The following MAP1S variants were observed in gnomAD, a reference collection of about 807,000 sequenced individuals.
MAP1S encodes the protein microtubule-associated protein 1S.
Under a neutral mutation model 60.9 loss-of-function variants are expected in MAP1S, and 27 were observed. The observed-to-expected ratio is 0.44, with a 90% CI of 0.33 to 0.61. The LOEUF is 0.61. MAP1S is among the 20% of genes least tolerant of loss of function. MAP1S has a pLI of 0.03. For synonymous variants in MAP1S, 826 were observed against 694.2 expected (o/e 1.19, Z -2.98); for missense variants, 1,608 against 1,486.6 (o/e 1.08, Z -1.34).
At position 17,726,964 on chromosome 19, in the gene MAP1S, A is replaced by C. The variant is rs1190846652; in HGVS notation, c.1580A>C (p.Lys527Thr). ...KEAKTPRELKKDPKPSVSRTQ... is the reference protein window; with the variant it reads ...KEAKTPRELKTDPKPSVSRTQ... ...GCCAAGACCCCCCGGGAGTTGAAGA[A>C]AGACCCCAAACCGAGTGTCTCCCGG... Residue 527 changes from lysine (K) to threonine (T), a missense_variant, in exon 5 of 7, where the codon AAA becomes ACA. By Grantham distance (78) the Lys-to-Thr change is moderately conservative. Around this residue, in one of 4 missense-constraint regions of MAP1S, gnomAD observed 1,167 missense variants for 961.4 expected, o/e 1.21. Transcript: ENST00000324096. 6 of 1,574,446 alleles carry C rather than the reference A, an allele frequency of 3.8e-6. No homozygotes were observed. Among genetic ancestry groups the C allele is most frequent in the African/African-American group, 1.3e-5 (1 of 74,134 alleles).
At chr19:17,720,698 T>C (rs1160262649) in intron 1 of MAP1S, 2 of 621,084 alleles carry the variant, frequency 3.2e-6, no homozygotes, top group Non-Finnish European at 5.6e-6. Context: ...GAGGTGGAGA[T>C]GGAGGAGGTG....
intron 2 of MAP1S, among the ~76,000 whole-genome samples, chr19:17,723,724 C>G (rs537326767): frequency 3.9e-5 from 6 of 152,118 alleles, no homozygotes; most frequent in South Asian, 4.1e-4. Context: ...GTGGCGGGCA[C>G]CTGTAGTCCT....
At chr19:17,721,140 A>T in intron 2 of MAP1S, 103 bp downstream of exon 2, 4 of 909,678 alleles carry the variant, frequency 4.4e-6, no homozygotes, top group Non-Finnish European at 7.4e-6. Flanking sequence ...AAATAACAAC[A>T]GTAATAATAC....
rs763935723 is a variant in MAP1S at position 17,727,686 on chromosome 19, GC to G, written c.2305del (p.Arg769GlyfsTer241). On this transcript the variant is annotated frameshift_variant, in exon 5 of 7. Coordinates refer to ENST00000324096, the MANE Select transcript of MAP1S (RefSeq NM_018174.6). LOFTEE classifies it high-confidence loss of function. This position sits in a 1 kb window ranked among gnomAD's most constrained non-coding sequence, Gnocchi z 4.1. ...CCCCGGCAGCTCGAATGACAGCAGT[GC>G]CCGGTCACAGGAACGGGCAGGTGGG... ...ASPGSSNDSSARSQERAGGLG... is the reference protein window; with the variant it reads ...ASPGSSNDSSXRSQERAGGLG... 1.2e-6 allele frequency: 2 copies of G among 1,609,462 alleles called. No homozygotes were observed. The highest frequency in any genetic ancestry group is 1.7e-6 in the Non-Finnish European group (2 of 1,179,326).
chr19:17,725,795 C>A lies in MAP1S; in HGVS notation c.445-34C>A, dbSNP rs1347267443. The A allele has an allele frequency of 6.3e-7, 1 of 1,584,880 alleles. No individual in the cohort carries two copies. The highest frequency in any genetic ancestry group is 1.7e-4 in the Middle Eastern group (1 of 5,870). On this transcript the variant is annotated intron_variant, in intron 4 of 6. Transcript: ENST00000324096. This position sits in a 1 kb window ranked among gnomAD's most constrained non-coding sequence, Gnocchi z 4.2. ...CCACCGGGCTAGGTGTTGCCTGGCT[C>A]TAGGTGGTCCCTTACCACTCCTCCT... is the stretch of plus-strand genomic sequence containing the variant.
intron 1 of MAP1S, chr19:17,720,368 C>G (rs1163891140): frequency 2.0e-6 from 3 of 1,533,122 alleles, no homozygotes; most frequent in Non-Finnish European, 2.6e-6. Context: ...TGCGCCAGGC[C>G]TTTGGGCAGT....
At chr19:17,733,834 T>C (rs1300937711) in intron 6 of MAP1S, among the ~76,000 whole-genome samples, 1 of 152,192 alleles carries the variant, frequency 6.6e-6, no homozygotes, top group Non-Finnish European at 1.5e-5. Context: ...GAGGTGCATG[T>C]GGGCAGAGGG....
At chr19:17,733,080 CA>C (rs2080505886) in intron 5 of MAP1S, 112 bp from the exon 6 acceptor site, 1 of 664,766 alleles carries the variant, frequency 1.5e-6, no homozygotes, top group Non-Finnish European at 2.5e-6. Flanking sequence ...ACTCTGAGTT[CA>C]GGCCTCCTGC....
intron 1 of MAP1S, chr19:17,720,173 G>T (rs1312240313): frequency 1.7e-5 from 23 of 1,340,596 alleles, no homozygotes; most frequent in East Asian, 3.1e-5. Context: ...AGGCGCACCT[G>T]CCAGGTTCAC....
Position 17,725,768 on chromosome 19 carries a change from T to TC in MAP1S, c.445-58dup. 1 of 1,510,470 alleles carries TC rather than the reference T, an allele frequency of 6.6e-7. No homozygotes were observed. The highest frequency in any genetic ancestry group is 1.2e-5 in the South Asian group (1 of 80,668). 93.6% of individuals were successfully genotyped at this position (1,510,470 alleles called of 1,614,324 possible). Reference sequence around the variant, plus strand: ...GGATGAGGGTGTCCTCGCCCAGTTTTCCCACCGGGCTAGGTGTTGCCTGGC... The same window carrying TC: ...GGATGAGGGTGTCCTCGCCCAGTTTTCCCCACCGGGCTAGGTGTTGCCTGGC... On this transcript the variant is annotated intron_variant, in intron 4 of 6. Transcript: ENST00000324096. The surrounding 1 kb of genome is among the most constrained non-coding windows in gnomAD (Gnocchi z 4.2).
Position 17,724,136 on chromosome 19 carries a change from C to G in MAP1S, c.231C>G (p.Ser77Arg), listed in dbSNP as rs1261079642. ...CTGATTCCCCCACAGGCCAGCGGAG[C>G]CTGCACCACCGTGGAGACAACCTGG... ...TFSSIVKGQRSLHHRGDNLET... is the reference protein window; with the variant it reads ...TFSSIVKGQRRLHHRGDNLET... The change falls in exon 3 of 7, where the codon AGC becomes AGG. Residue 77 changes from serine to arginine, a missense_variant. Transcript: ENST00000324096. The G allele has an allele frequency of 6.2e-7, 1 of 1,613,716 alleles. No homozygotes were observed. Among genetic ancestry groups the G allele is most frequent in the Admixed American group, 1.7e-5 (1 of 59,992 alleles).
In MAP1S at chr19:17,726,020, G is replaced by A. The variant is rs2080415356; in HGVS notation, c.636G>A (p.Glu212=). Reference sequence around the variant, plus strand: ...CTGAGGGCCTGTGCGAATTCCTGGAGTACGTGGCTGAGTCTCTGGAGCCAC... The same window carrying A: ...CTGAGGGCCTGTGCGAATTCCTGGAATACGTGGCTGAGTCTCTGGAGCCAC... ...PNSEGLCEFL[E]YVAESLEPPS... The change falls in exon 5 of 7, where the codon GAG becomes GAA. Residue 212 remains glutamate (E), a synonymous_variant. Transcript: ENST00000324096. 3.7e-6 allele frequency: 6 copies of A among 1,612,954 alleles called. No individual in the cohort carries two copies. The highest frequency in any genetic ancestry group is 5.1e-6 in the Non-Finnish European group (6 of 1,179,602).
At position 17,727,071 on chromosome 19, in the gene MAP1S, C is replaced by A. The variant is rs142047372; in HGVS notation, c.1687C>A (p.Arg563Ser). The A allele has an allele frequency of 1.2e-4, 190 of 1,606,702 alleles. No homozygotes were observed. The highest frequency in any genetic ancestry group is 1.6e-4 in the Non-Finnish European group (183 of 1,177,914). ...GAATGCCCAGGCGGCACCCAAGCCC[C>A]GCAAAGCGCCCAGCACGTCCCACTC... ...KTNAQAAPKP[R>S]KAPSTSHSGF... Residue 563 changes from arginine (R) to serine (S), a missense_variant, in exon 5 of 7, where the codon CGC (arginine) becomes AGC (serine). Transcript: ENST00000324096. The surrounding 1 kb of genome is among the most constrained non-coding windows in gnomAD (Gnocchi z 4.1).
At chr19:17,720,029 G>T in intron 1 of MAP1S, 1 of 775,912 alleles carries the variant, frequency 1.3e-6, no homozygotes, top group Non-Finnish European at 1.6e-6. Flanking sequence ...TCTCCCGGAG[G>T]GAGAAGCAGA....
rs781739314 is a variant in MAP1S at position 17,726,408 on chromosome 19, T to C, written c.1024T>C (p.Cys342Arg). 1.9e-6 allele frequency: 3 copies of C among 1,578,206 alleles called. No homozygotes were observed. Among genetic ancestry groups the C allele is most frequent in the East Asian group, 4.6e-5 (2 of 43,908 alleles). ...CCTGGGGGTCGTGTTCTTCAACGCC[T>C]GCGAGGCCGCGTCGCGGCTGGCGCG... The part of the protein sequence containing the change: ...PNLGVVFFNA[C>R]EAASRLARGE... The change falls in exon 5 of 7, where the codon TGC becomes CGC. Residue 342 changes from cysteine to arginine, a missense_variant. Physicochemically the swap from Cys to Arg is radical, Grantham distance 180. Transcript: ENST00000324096.
rs139609909 is a variant in MAP1S, at chr19:17,732,528, C to T, written c.2789-665C>T. Among the ~76,000 whole-genome samples, 739 of 152,318 alleles carry T rather than the reference C, an allele frequency of 4.9e-3. 5 individuals carry two copies. Among genetic ancestry groups the T allele is most frequent in the African/African-American group, 0.017 (698 of 41,572 alleles). On this transcript the variant is annotated intron_variant, in intron 5 of 6. Coordinates refer to ENST00000324096, the MANE Select transcript of MAP1S (RefSeq NM_018174.6). Reference sequence around the variant, plus strand: ...CCAGAGCTGCTGTCTCATCCGCATCCAGCATCCCGCAGTGATCTTGGGCCC... The same window carrying T: ...CCAGAGCTGCTGTCTCATCCGCATCTAGCATCCCGCAGTGATCTTGGGCCC...
chr19:17,726,042 C>T lies in MAP1S; in HGVS notation c.658C>T (p.Pro220Ser). The T allele has an allele frequency of 1.9e-6, 3 of 1,613,264 alleles. No individual in the cohort carries two copies. Among genetic ancestry groups the T allele is most frequent in the Non-Finnish European group, 2.5e-6 (3 of 1,179,764 alleles). Residue 220 changes from proline to serine, a missense_variant, in exon 5 of 7, where the codon CCA becomes TCA. Physicochemically the swap from Pro to Ser is moderately conservative, Grantham distance 74. Coordinates refer to ENST00000324096, the MANE Select transcript of MAP1S (RefSeq NM_018174.6). Reference protein sequence around the residue: ...FLEYVAESLEPPSPFELLEPP... With the variant: ...FLEYVAESLESPSPFELLEPP... Reference sequence around the variant, plus strand: ...GGAGTACGTGGCTGAGTCTCTGGAGCCACCGTCCCCCTTCGAGCTGCTGGA... The same window carrying T: ...GGAGTACGTGGCTGAGTCTCTGGAGTCACCGTCCCCCTTCGAGCTGCTGGA...
At chr19:17,724,097 G>T in intron 2 of MAP1S, 29 bp from the exon 3 acceptor site, 1 of 1,594,828 alleles carries the variant, frequency 6.3e-7, no homozygotes, top group South Asian at 1.1e-5. Flanking sequence ...GGCAGGATTT[G>T]ACTCCGGGAC....
intron 5 of MAP1S, among the ~76,000 whole-genome samples, chr19:17,730,925 C>G (rs1475970876): frequency 1.4e-5 from 2 of 139,864 alleles, no homozygotes; most frequent in Admixed American, 1.5e-4. Flanking sequence ...GAGTCTGGCT[C>G]TGTTGCCCAG....
Sources: gnomAD v4.1 joint callset for allele counts (sites outside exome capture counted in the v4.1 genomes callset) on GRCh38, gnomAD v4.1.1 for gene constraint, gnomAD v4.1.1 regional missense constraint, Gnocchi (gnomAD v3.1) non-coding constraint, MANE v1.5 for transcripts, NCBI Gene and HGNC (gene_info 2026-07-23, HGNC 2026-07-21) for gene names.